P4HA3: variants seen among roughly 807,000 people sequenced by gnomAD.
P4HA3 encodes the protein prolyl 4-hydroxylase subunit alpha-3.
Under a neutral mutation model 66.7 loss-of-function variants are expected in P4HA3, and 60 were observed. The ratio of observed to expected loss-of-function variants is 0.90; its 90% CI spans 0.73 to 1.12. P4HA3 has a LOEUF of 1.12. Among genes scored for constraint, P4HA3 ranks in the 50% most tolerant of loss-of-function variants. P4HA3 has a pLI of 0.00. For synonymous variants in P4HA3, 263 were observed against 274.6 expected (o/e 0.96, Z 0.42); for missense variants, 683 against 685.8 (o/e 1.00, Z 0.05).
chr11:74,311,062 G>A (rs1170975290), intron 1 of P4HA3, among the ~76,000 whole-genome samples: 3 of 152,192 alleles, frequency 2.0e-5, no homozygotes, highest in African/African-American at 7.2e-5. Context: ...ACCCCGCCCC[G>A]CTCTTCCACA....
intron 7 of P4HA3, among the ~76,000 whole-genome samples, chr11:74,279,768 GAGTT>G (rs1277279142): frequency 2.0e-5 from 3 of 152,204 alleles, no homozygotes; most frequent in African/African-American, 7.2e-5. Context: ...GTAAGACTGT[GAGTT>G]AGGTAAGAAC....
At chr11:74,278,550 G>C (rs1039112007) in intron 8 of P4HA3, among the ~76,000 whole-genome samples, 1 of 152,156 alleles carries the variant, frequency 6.6e-6, no homozygotes, top group Admixed American at 6.5e-5. Context: ...AAAGAAAGTA[G>C]TTTCTTGTTC....
intron 10 of P4HA3, among the ~76,000 whole-genome samples, chr11:74,272,620 C>T (rs1336428950): frequency 2.6e-5 from 4 of 152,216 alleles, no homozygotes; most frequent in Non-Finnish European, 4.4e-5. Context: ...AAAGACTACA[C>T]AGAATGCTGG....
chr11:74,258,977 C>T (rs1390588379), intron 15 of P4HA3, among the ~76,000 whole-genome samples: 1 of 152,154 alleles, frequency 6.6e-6, no homozygotes, highest in Non-Finnish European at 1.5e-5. Context: ...GGCGGGGAGA[C>T]CAAGGCACAG....
rs1860938615 is a variant in P4HA3 at position 74,289,651 on chromosome 11, T to A, written c.718-521A>T. Among the ~76,000 whole-genome samples the A allele has an allele frequency of 2.8e-5, 4 of 142,890 alleles. No homozygotes were observed. In the South Asian group the frequency reaches 8.9e-4, roughly 32 times the overall value. 93.7% of individuals were successfully genotyped at this position (142,890 alleles called of 152,430 possible). Reference sequence around the variant, plus strand: ...TGATGTTCCCCTTCCTGTGTCCATGTGTTCTCATTGTTCAATTCCCACCTA... The same window carrying A: ...TGATGTTCCCCTTCCTGTGTCCATGAGTTCTCATTGTTCAATTCCCACCTA... On this transcript the variant is annotated intron_variant, in intron 4 of 12. Coordinates refer to ENST00000331597, the MANE Select transcript of P4HA3 (RefSeq NM_182904.5).
chr11:74,291,345 G>A (rs1861016121), intron 4 of P4HA3, among the ~76,000 whole-genome samples: 1 of 152,158 alleles, frequency 6.6e-6, no homozygotes, highest in Admixed American at 6.5e-5. Flanking sequence ...GAGATTTTAG[G>A]CTGAGACGAT....
rs185140910 is a variant in P4HA3 at position 74,258,593 on chromosome 11, A to G, written c.*1318+1330T>C. ...TTGTCCAGGGTCATACCTTAGCACA[A>G]TCTGGACTAGAGCTCAGGCCACCTG... On this transcript the variant is annotated intron_variant and NMD_transcript_variant, in intron 15 of 15. Coordinates refer to the P4HA3 transcript ENST00000524388. 3.6e-3 allele frequency among the ~76,000 whole-genome samples: 552 copies of G among 152,240 alleles called. 8 individuals carry two copies. The highest frequency in any genetic ancestry group is 0.033 in the Admixed American group (512 of 15,292).
At chr11:74,261,314 A>G (rs1016886537) in intron 14 of P4HA3, among the ~76,000 whole-genome samples, 2 of 152,178 alleles carry the variant, frequency 1.3e-5, no homozygotes, top group Non-Finnish European at 2.9e-5. Flanking sequence ...TATGCAAAAA[A>G]GGTTAAAGCA....
intron 15 of P4HA3, among the ~76,000 whole-genome samples, chr11:74,256,214 C>G (rs1323066655): frequency 6.6e-6 from 1 of 152,082 alleles, no homozygotes; most frequent in African/African-American, 2.4e-5. Flanking sequence ...CTACAAGGGA[C>G]CCTGGGCAGA....
At chr11:74,286,167 T>C in intron 6 of P4HA3, 61 bp downstream of exon 6, 1 of 1,567,986 alleles carries the variant, frequency 6.4e-7, no homozygotes, top group South Asian at 1.2e-5. Flanking sequence ...GTTATCCCAA[T>C]TCTAGCTTCT....
intron 3 of P4HA3, 61 bp downstream of exon 3, chr11:74,302,308 T>C: frequency 2.1e-6 from 3 of 1,402,412 alleles, no homozygotes; most frequent in Non-Finnish European, 2.9e-6. Context: ...AATCGGTACA[T>C]AGTTATTTTA....
chr11:74,292,636 G>T (rs963437742), intron 4 of P4HA3, among the ~76,000 whole-genome samples: 1 of 152,028 alleles, frequency 6.6e-6, no homozygotes, highest in African/African-American at 2.4e-5. Context: ...AGAGATTCTG[G>T]TATGTTGTGT....
chr11:74,276,926 G>A, intron 9 of P4HA3, 59 bp downstream of exon 9: 2 of 1,517,834 alleles, frequency 1.3e-6, no homozygotes, highest in South Asian at 2.5e-5. Flanking sequence ...CTGCCTCAGA[G>A]AAATAAATAA....
chr11:74,301,777 T>C (rs1459012780), intron 3 of P4HA3, among the ~76,000 whole-genome samples: 1 of 152,224 alleles, frequency 6.6e-6, no homozygotes. Flanking sequence ...TCCTGAAGTC[T>C]ATTTCCTCAA....
intron 1 of P4HA3, among the ~76,000 whole-genome samples, chr11:74,305,103 G>A (rs1018858488): frequency 3.9e-5 from 6 of 152,014 alleles, no homozygotes; most frequent in Non-Finnish European, 5.9e-5. Context: ...TGGGGGGCCC[G>A]CCTCCTAACA....
At position 74,311,421 on chromosome 11, in the gene P4HA3, T is replaced by C; in HGVS notation, c.191A>G (p.Asp64Gly). 1.3e-6 allele frequency: 2 copies of C among 1,527,012 alleles called. No individual in the cohort carries two copies. Among genetic ancestry groups the C allele is most frequent in the Non-Finnish European group, 8.7e-7 (1 of 1,144,556 alleles). The allele number at this position is 1,527,012 out of a possible 1,614,324, so 94.6% of individuals were successfully genotyped here. ...YLRGEEARLR[D>G]LTRFYDKVLS... is the part of the protein sequence containing the mutation. ...CTCGTCGTGCCCTCACCTAGTCAGG[T>C]CCCGCAGCCGCGCCTCCTCCCCGCG... The change falls in exon 1 of 13, where the codon GAC becomes GGC. Residue 64 changes from aspartate (D) to glycine (G), a missense_variant. Physicochemically the swap from Asp to Gly is moderately conservative, Grantham distance 94. Coordinates refer to ENST00000331597, the MANE Select transcript of P4HA3 (RefSeq NM_182904.5).
chr11:74,265,407 C>T (rs1246930310), downstream of P4HA3, among the ~76,000 whole-genome samples: 1 of 152,174 alleles, frequency 6.6e-6, no homozygotes, highest in Non-Finnish European at 1.5e-5. Context: ...GGCCACAGAG[C>T]TCTGGGAAGC....
In P4HA3 at chr11:74,304,322, C is replaced by A; in HGVS notation, c.291G>T (p.Gln97His). 1 of 1,614,134 alleles carries A rather than the reference C, an allele frequency of 6.2e-7. No individual in the cohort carries two copies. The highest frequency in any genetic ancestry group is 2.2e-5 in the East Asian group (1 of 44,878). ...TATGTACCACATTCCTCCAGTCAGA[C>A]TGCAGGCGTTTGATGAGAGTAAATG... is the stretch of plus-strand genomic sequence containing the variant. ...LLAFTLIKRL[Q>H]SDWRNVVHSL... is the part of the protein sequence containing the mutation. Residue 97 changes from glutamine to histidine, a missense_variant, in exon 2 of 13, where the codon CAG becomes CAT. By Grantham distance (24) the Gln-to-His change is conservative (BLOSUM62 0). Coordinates refer to ENST00000331597, the MANE Select transcript of P4HA3 (RefSeq NM_182904.5).
intron 4 of P4HA3, among the ~76,000 whole-genome samples, chr11:74,297,549 C>A (rs1861265623): frequency 6.6e-6 from 1 of 152,158 alleles, no homozygotes; most frequent in Admixed American, 6.5e-5. Context: ...AAAAGCTATA[C>A]CTTACCCAGT....
Sources: allele counts gnomAD v4.1 joint callset (sites outside exome capture counted in the v4.1 genomes callset), GRCh38; gene constraint gnomAD v4.1.1; transcripts MANE v1.5; gene names NCBI Gene and HGNC (gene_info 2026-07-23, HGNC 2026-07-21).